Variants in TMEM181 observed in about 807,000 individuals in gnomAD.
TMEM181 encodes the protein transmembrane protein 181, also known as G protein-coupled receptor 178.
Under a neutral mutation model 71.9 loss-of-function variants are expected in TMEM181, and 39 were observed. The ratio of observed to expected loss-of-function variants is 0.54; its 90% CI spans 0.42 to 0.71. TMEM181 has a LOEUF of 0.71. TMEM181 is among the 30% of genes least tolerant of loss of function. TMEM181 has a pLI of 0.00. For missense variants in TMEM181, 595 were observed against 583.0 expected, an observed-to-expected ratio of 1.02 and a Z score of -0.21; for synonymous variants, 245 against 228.8, an observed-to-expected ratio of 1.07 and a Z score of -0.64.
At position 158,625,214 on chromosome 6, in the gene TMEM181, C is replaced by T. The variant is rs377516342; in HGVS notation, c.1057+8C>T. On this transcript the variant is annotated splice_region_variant and intron_variant, in intron 12 of 16. Coordinates refer to ENST00000684151, the MANE Select transcript of TMEM181 (RefSeq NM_001376852.1). Reference sequence around the variant, plus strand: ...GTCACATGCCTTATGTGGGTAAGTGCTCCTTTCAGAATCGGTGCAGGGGTG... The same window carrying T: ...GTCACATGCCTTATGTGGGTAAGTGTTCCTTTCAGAATCGGTGCAGGGGTG... 3.7e-6 allele frequency: 6 copies of T among 1,612,812 alleles called. No individual in the cohort carries two copies. In the African/African-American group the frequency reaches 5.3e-5, roughly 14 times the overall value.
rs143961456 is a variant in TMEM181, at chr6:158,600,628, G to C, written c.493-4639G>C. Among the ~76,000 whole-genome samples, 5 of 151,584 alleles carry C rather than the reference G, an allele frequency of 3.3e-5. No homozygotes were observed. In the South Asian group the frequency reaches 1.0e-3, roughly 32 times the overall value. On this transcript the variant is annotated intron_variant, in intron 6 of 16. Transcript: ENST00000684151. The stretch of plus-strand genomic sequence containing the variant: ...TGGGATTACAGGCAAGCACCACCAC[G>C]CCCGGCTAATTTTTGTATTTTTAGT...
chr6:158,571,663 G>A (rs1242486155), intron 1 of TMEM181, among the ~76,000 whole-genome samples: 3 of 152,248 alleles, frequency 2.0e-5, no homozygotes, highest in Admixed American at 1.3e-4. Flanking sequence ...TGACACCTGG[G>A]TTAACTGCGG....
intron 1 of TMEM181, among the ~76,000 whole-genome samples, chr6:158,560,963 C>G (rs1438684937): frequency 6.6e-6 from 1 of 152,098 alleles, no homozygotes; most frequent in Non-Finnish European, 1.5e-5. Flanking sequence ...AAGAAGGAGA[C>G]GGAGTTAACC....
At chr6:158,587,520 C>G (rs1021940145) in intron 5 of TMEM181, among the ~76,000 whole-genome samples, 2 of 151,474 alleles carry the variant, frequency 1.3e-5, no homozygotes, top group Non-Finnish European at 2.9e-5. Flanking sequence ...TTTAAACACA[C>G]AGTCTTGCTA....
At chr6:158,613,745 A>C (rs911156277) in intron 10 of TMEM181, among the ~76,000 whole-genome samples, 4 of 152,232 alleles carry the variant, frequency 2.6e-5, no homozygotes, top group Non-Finnish European at 5.9e-5. Context: ...TTCTTACCGC[A>C]CTGATGCACA....
At chr6:158,626,524 G>A (rs377699933) in intron 13 of TMEM181, 3 of 456,352 alleles carry the variant, frequency 6.6e-6, no homozygotes, top group Non-Finnish European at 1.3e-5. Context: ...AGCTTTCCAG[G>A]TGGGCTCTGG....
rs1431139400 is a variant in TMEM181, at chr6:158,560,174, C to G, written c.-51C>G. 1 of 984,800 alleles carries G rather than the reference C, an allele frequency of 1.0e-6. No individual in the cohort carries two copies. The highest frequency in any genetic ancestry group is 1.1e-4 in the East Asian group (1 of 8,806). 61.0% of individuals were successfully genotyped at this position (984,800 alleles called of 1,614,324 possible). A position where few individuals can be genotyped will look rare whatever the true frequency, so the allele number is the denominator to read the frequency against. On this transcript the variant is annotated 5_prime_UTR_variant, in exon 1 of 17. Coordinates refer to ENST00000684151, the MANE Select transcript of TMEM181 (RefSeq NM_001376852.1). ...CCGCTGCCGAGGCTGCTGCGCGGCGCCTGGCGGGCTCGGGACGCGCGGGCC... is the reference window on the plus strand; with the variant it reads ...CCGCTGCCGAGGCTGCTGCGCGGCGGCTGGCGGGCTCGGGACGCGCGGGCC...
chr6:158,579,667 C>T lies in TMEM181; in HGVS notation c.113-1273C>T, dbSNP rs958872943. ...CTGGGAGGCAGAGGTTGCAGTGAGCCGAGATCCTGCCATTGCAGTCCAGCC... is the reference window on the plus strand; with the variant it reads ...CTGGGAGGCAGAGGTTGCAGTGAGCTGAGATCCTGCCATTGCAGTCCAGCC... On this transcript the variant is annotated intron_variant, in intron 2 of 16. Transcript: ENST00000684151. Among the ~76,000 whole-genome samples the T allele has an allele frequency of 1.8e-4, 27 of 151,804 alleles. 1 individual carries two copies. Among genetic ancestry groups the T allele is most frequent in the African/African-American group, 5.3e-4 (22 of 41,278 alleles).
At chr6:158,611,575 G>A in intron 10 of TMEM181, 1 of 391,190 alleles carries the variant, frequency 2.6e-6, no homozygotes, top group South Asian at 2.1e-5. Context: ...TCCTTTTCTA[G>A]AGAAGCTATT....
At chr6:158,574,795 T>TTA (rs1314424252) in intron 2 of TMEM181, among the ~76,000 whole-genome samples, 1 of 152,166 alleles carries the variant, frequency 6.6e-6, no homozygotes, top group East Asian at 1.9e-4. Context: ...TGTCTGTCTA[T>TTA]TATAAGGAAT....
At chr6:158,626,636 TTTC>T (rs1562315452) in intron 13 of TMEM181, 1 of 457,056 alleles carries the variant, frequency 2.2e-6, no homozygotes, top group Non-Finnish European at 4.4e-6. Context: ...TGAACTCAAA[TTTC>T]ATTCAGCATC....
rs560826866 is a variant in TMEM181, at chr6:158,629,724, C to T, written c.1193-6C>T. Reference sequence around the variant, plus strand: ...GATGCCGCGTTCCTTCCCTTGACAGCACCACCAGCCGAGTTCTTATCTTTC... The same window carrying T: ...GATGCCGCGTTCCTTCCCTTGACAGTACCACCAGCCGAGTTCTTATCTTTC... On this transcript the variant is annotated splice_region_variant and splice_polypyrimidine_tract_variant and intron_variant, in intron 14 of 16. Transcript: ENST00000684151. The T allele has an allele frequency of 1.9e-6, 3 of 1,601,346 alleles. No homozygotes were observed. Among genetic ancestry groups the T allele is most frequent in the South Asian group, 2.2e-5 (2 of 89,480 alleles).
chr6:158,633,345 C>T lies in TMEM181; in HGVS notation c.*1457C>T, dbSNP rs144620981. 1 of 152,250 alleles carries T rather than the reference C, an allele frequency of 6.6e-6. No individual in the cohort carries two copies. The highest frequency in any genetic ancestry group is 1.5e-5 in the Non-Finnish European group (1 of 68,034). The allele number at this position is 152,250 out of a possible 1,614,324, so 9.4% of individuals were successfully genotyped here. A position where few individuals can be genotyped will look rare whatever the true frequency, so the allele number is the denominator to read the frequency against. On this transcript the variant is annotated 3_prime_UTR_variant, in exon 17 of 17. Transcript: ENST00000684151. ...ATCATAGAAGGCCCTGGAGCTTCCCCGTTCCTTTCAGTCAGGGACTCCATA... is the reference window on the plus strand; with the variant it reads ...ATCATAGAAGGCCCTGGAGCTTCCCTGTTCCTTTCAGTCAGGGACTCCATA...
chr6:158,621,979 C>A (rs1236510614), intron 10 of TMEM181, among the ~76,000 whole-genome samples: 1 of 152,138 alleles, frequency 6.6e-6, no homozygotes, highest in Non-Finnish European at 1.5e-5. Context: ...CTGGAAGGGG[C>A]CCAAGCGCCC....
At chr6:158,617,907 C>T (rs1022241882) in intron 10 of TMEM181, among the ~76,000 whole-genome samples, 11 of 152,276 alleles carry the variant, frequency 7.2e-5, no homozygotes, top group Non-Finnish European at 1.3e-4. Context: ...ACTATGTGGT[C>T]AATTTTGGAA....
At chr6:158,616,488 C>T (rs1163271474) in intron 10 of TMEM181, among the ~76,000 whole-genome samples, 2 of 152,178 alleles carry the variant, frequency 1.3e-5, no homozygotes, top group Non-Finnish European at 2.9e-5. Context: ...CTTTCTCCTG[C>T]CTGACTGCCC....
intron 1 of TMEM181, among the ~76,000 whole-genome samples, chr6:158,565,198 G>T (rs1168441558): frequency 1.3e-5 from 2 of 152,206 alleles, no homozygotes; most frequent in African/African-American, 4.8e-5. Flanking sequence ...CTGTTTTGTG[G>T]TTCTGTGCAG....
Position 158,633,130 on chromosome 6 carries a change from G to C in TMEM181, c.*1242G>C, listed in dbSNP as rs1413753869. Reference sequence around the variant, plus strand: ...ATTTTAGATTATTTATTGGCCAAAAGTTTTTAAAACTCATATTTGGAAGCA... The same window carrying C: ...ATTTTAGATTATTTATTGGCCAAAACTTTTTAAAACTCATATTTGGAAGCA... On this transcript the variant is annotated 3_prime_UTR_variant, in exon 17 of 17. Transcript: ENST00000684151. 6.6e-6 allele frequency: 1 copy of C among 152,198 alleles called. No homozygotes were observed. Among genetic ancestry groups the C allele is most frequent in the Non-Finnish European group, 1.5e-5 (1 of 68,038 alleles). 9.4% of individuals were successfully genotyped at this position (152,198 alleles called of 1,614,324 possible).
intron 6 of TMEM181, among the ~76,000 whole-genome samples, chr6:158,593,357 T>C (rs1241991551): frequency 1.3e-5 from 2 of 152,250 alleles, no homozygotes; most frequent in Non-Finnish European, 2.9e-5. Flanking sequence ...TGTCTCTGGG[T>C]GGTGGGATTA....
Sources: gnomAD v4.1 joint callset for allele counts (sites outside exome capture counted in the v4.1 genomes callset) on GRCh38, gnomAD v4.1.1 for gene constraint, MANE v1.5 for transcripts, NCBI Gene and HGNC (gene_info 2026-07-23, HGNC 2026-07-21) for gene names.